Variants in CSMD1 observed in about 807,000 individuals in gnomAD.
CSMD1 encodes CUB and sushi domain-containing protein 1.
Under a neutral mutation model 417.5 loss-of-function variants are expected in CSMD1, and 213 were observed. The ratio of observed to expected loss-of-function variants is 0.51; its 90% CI spans 0.46 to 0.57. CSMD1 has a LOEUF of 0.57. Ranked by LOEUF, CSMD1 falls within the 20% of genes least tolerant of loss-of-function variation. CSMD1 has a pLI of 0.00. For synonymous variants in CSMD1, 2,862 were observed against 1,736.8 expected (o/e 1.65, Z -16.11); for missense variants, 6,923 against 4,529.7 (o/e 1.53, Z -15.17).
chr8:3,781,464 G>A (rs902280483), intron 5 of CSMD1, among the ~76,000 whole-genome samples: 1 of 151,446 alleles, frequency 6.6e-6, no homozygotes, highest in Admixed American at 6.6e-5. Context: ...TACGGGTTAA[G>A]GGAGCTGCTG....
At chr8:4,133,613 G>A (rs1016650828) in intron 3 of CSMD1, among the ~76,000 whole-genome samples, 15 of 152,130 alleles carry the variant, frequency 9.9e-5, no homozygotes, top group African/African-American at 2.4e-5. Flanking sequence ...TTCATGCTAA[G>A]CATTGTACTA....
chr8:4,679,592 C>T (rs189179752), intron 1 of CSMD1, among the ~76,000 whole-genome samples: 1 of 152,174 alleles, frequency 6.6e-6, no homozygotes, highest in Non-Finnish European at 1.5e-5. Flanking sequence ...GCAATAAGTT[C>T]TCTTAATCAT....
chr8:4,796,788 G>T (rs190382461), intron 1 of CSMD1, among the ~76,000 whole-genome samples: 7 of 152,062 alleles, frequency 4.6e-5, no homozygotes, highest in African/African-American at 1.7e-4. Context: ...TTGCAATCAC[G>T]GTGAGTAAAT....
intron 25 of CSMD1, among the ~76,000 whole-genome samples, chr8:3,301,069 T>C (rs538807509): frequency 1.2e-4 from 18 of 151,600 alleles, no homozygotes; most frequent in African/African-American, 4.1e-4. Context: ...TATACATTGA[T>C]ACGTATAAGA....
At chr8:4,396,985 T>C (rs1804275137) in intron 3 of CSMD1, among the ~76,000 whole-genome samples, 4 of 152,068 alleles carry the variant, frequency 2.6e-5, no homozygotes, top group African/African-American at 4.8e-5. Context: ...AAAGGACCTA[T>C]TCATGTAACC....
chr8:4,336,548 T>C lies in CSMD1; in HGVS notation c.415+83405A>G, dbSNP rs1316446550. Among the ~76,000 whole-genome samples, 6 of 152,122 alleles carry C rather than the reference T, an allele frequency of 3.9e-5. No homozygotes were observed. The South Asian group carries it at 8.3e-4, about 21-fold the overall frequency. On this transcript the variant is annotated intron_variant, in intron 3 of 69. Transcript: ENST00000635120. ...TGTTCGATGAATGTCATGCTGCTTG[T>C]TTTCTAGATGGTTTCCAGTGGCCTG... is the stretch of plus-strand genomic sequence containing the variant.
In CSMD1 at chr8:4,291,725, G is replaced by C. The variant is rs73500685; in HGVS notation, c.415+128228C>G. ...AAAATTCATAAACCCAGTCTAATCA[G>C]TTATATGCGGAGACAAAAGTTAAAG... On this transcript the variant is annotated intron_variant, in intron 3 of 69. Transcript: ENST00000635120. Among the ~76,000 whole-genome samples the C allele has an allele frequency of 1.2e-3, 189 of 152,288 alleles. 1 individual carries two copies. Among genetic ancestry groups the C allele is most frequent in the African/African-American group, 4.3e-3 (180 of 41,546 alleles).
At chr8:4,690,277 A>G (rs2116759367) in intron 1 of CSMD1, among the ~76,000 whole-genome samples, 1 of 152,324 alleles carries the variant, frequency 6.6e-6, no homozygotes, top group Admixed American at 6.5e-5. Flanking sequence ...TTCAATCCTG[A>G]AGAGGACGAC....
At chr8:4,723,252 T>G (rs1432041802) in intron 1 of CSMD1, among the ~76,000 whole-genome samples, 2 of 152,146 alleles carry the variant, frequency 1.3e-5, no homozygotes, top group Non-Finnish European at 2.9e-5. Flanking sequence ...GCAATTTTCT[T>G]GCCATCCCTT....
chr8:3,190,921 C>G (rs1287251804), intron 33 of CSMD1, among the ~76,000 whole-genome samples: 1 of 152,160 alleles, frequency 6.6e-6, no homozygotes, highest in African/African-American at 2.4e-5. Flanking sequence ...AGTAGTGGCA[C>G]TCATAGAACC....
intron 1 of CSMD1, among the ~76,000 whole-genome samples, chr8:4,895,477 G>C (rs1585281190): frequency 2.0e-5 from 3 of 152,170 alleles, no homozygotes; most frequent in East Asian, 1.9e-4. Context: ...ATTGGCATTT[G>C]TCTAGTACAT....
At chr8:4,780,931 T>G (rs1797121943) in intron 1 of CSMD1, among the ~76,000 whole-genome samples, 1 of 152,206 alleles carries the variant, frequency 6.6e-6, no homozygotes, top group Admixed American at 6.5e-5. Flanking sequence ...TTTAAAAGCA[T>G]AAGTCTTTAT....
chr8:3,688,555 G>T (rs953966051), intron 7 of CSMD1, among the ~76,000 whole-genome samples: 19 of 152,122 alleles, frequency 1.2e-4, no homozygotes, highest in African/African-American at 4.1e-4. Context: ...CAATGCATGT[G>T]CTTAATAAAT....
At chr8:3,312,021 G>C (rs568592564) in intron 23 of CSMD1, among the ~76,000 whole-genome samples, 3 of 152,184 alleles carry the variant, frequency 2.0e-5, no homozygotes, top group Non-Finnish European at 4.4e-5. Flanking sequence ...TTTAAAATTA[G>C]TTTAAGAAGA....
chr8:4,152,018 G>C (rs1189713473), intron 3 of CSMD1, among the ~76,000 whole-genome samples: 3 of 152,082 alleles, frequency 2.0e-5, no homozygotes, highest in African/African-American at 7.2e-5. Flanking sequence ...CGTAATCAAT[G>C]TGTTTAGCTC....
intron 1 of CSMD1, among the ~76,000 whole-genome samples, chr8:4,993,353 T>C (rs1051297304): frequency 4.7e-5 from 6 of 128,958 alleles, no homozygotes. Flanking sequence ...GGGGCAGGTA[T>C]TTCCAATGTG....
chr8:4,433,026 G>A (rs974517435), intron 2 of CSMD1, among the ~76,000 whole-genome samples: 7 of 151,972 alleles, frequency 4.6e-5, no homozygotes, highest in East Asian at 1.9e-4. Flanking sequence ...CAACACTGTC[G>A]TGAACTACGT....
At chr8:3,714,886 G>A (rs1476996323) in intron 6 of CSMD1, among the ~76,000 whole-genome samples, 1 of 152,054 alleles carries the variant, frequency 6.6e-6, no homozygotes, top group Non-Finnish European at 1.5e-5. Flanking sequence ...AACATGTTTT[G>A]AACACAACAC....
intron 7 of CSMD1, among the ~76,000 whole-genome samples, chr8:3,687,386 A>G (rs923909491): frequency 3.9e-5 from 6 of 152,358 alleles, no homozygotes; most frequent in African/African-American, 1.4e-4. Flanking sequence ...GAGCAGGGAT[A>G]TGGAACTCTG....
Sources: gnomAD v4.1 joint callset for allele counts (sites outside exome capture counted in the v4.1 genomes callset) on GRCh38, gnomAD v4.1.1 for gene constraint, MANE v1.5 for transcripts, NCBI Gene and HGNC (gene_info 2026-07-23, HGNC 2026-07-21) for gene names.